The following TNFRSF8 variants were observed in gnomAD, a reference collection of about 807,000 sequenced individuals.
TNFRSF8 encodes TNF receptor superfamily member 8, also known as tumor necrosis factor receptor superfamily member 8.
TNFRSF8 carries 26 observed loss-of-function variants against 70.8 expected under a neutral mutation model. That is an observed-to-expected ratio of 0.37 (90% confidence interval 0.27 to 0.51). The LOEUF is 0.51. Among genes scored for constraint, TNFRSF8 ranks in the 20% least tolerant of loss-of-function variants. The probability of loss-of-function intolerance (pLI) is 0.94; values close to 1 mark genes in which losing one functional copy is unlikely to be tolerated. For synonymous variants in TNFRSF8, 356 were observed against 339.2 expected, an observed-to-expected ratio of 1.05 and a Z score of -0.54; for missense variants, 720 against 807.9, an observed-to-expected ratio of 0.89 and a Z score of 1.32.
At chr1:12,071,297 G>A (rs1406076320) in intron 1 of TNFRSF8, among the ~76,000 whole-genome samples, 3 of 152,090 alleles carry the variant, frequency 2.0e-5, no homozygotes, top group Admixed American at 6.6e-5. Context: ...AAATTAGCCA[G>A]GTGTGGCGGT....
intron 12 of TNFRSF8, among the ~76,000 whole-genome samples, chr1:12,130,449 C>T (rs1642027013): frequency 6.6e-6 from 1 of 152,140 alleles, no homozygotes; most frequent in African/African-American, 2.4e-5. Context: ...GTGCTCCTGC[C>T]CCGGCCCTGG....
chr1:12,085,934 G>A (rs142931527), intron 2 of TNFRSF8, among the ~76,000 whole-genome samples: 2 of 152,366 alleles, frequency 1.3e-5, no homozygotes, highest in Non-Finnish European at 2.9e-5. Flanking sequence ...GGGGACATCA[G>A]CCTTTAGCTG....
At chr1:12,120,467 A>G (rs1641809688) in intron 8 of TNFRSF8, among the ~76,000 whole-genome samples, 1 of 152,234 alleles carries the variant, frequency 6.6e-6, no homozygotes, top group African/African-American at 2.4e-5. Context: ...AAGGCAATTG[A>G]AAACTCCCGG....
At chr1:12,070,589 G>T (rs1640825317) in intron 1 of TNFRSF8, among the ~76,000 whole-genome samples, 1 of 152,080 alleles carries the variant, frequency 6.6e-6, no homozygotes, top group South Asian at 2.1e-4. Flanking sequence ...GCCTCCTATT[G>T]CTGGGATTAC....
In TNFRSF8 at chr1:12,116,539, G is replaced by A. The variant is rs143469740; in HGVS notation, c.946+810G>A. ...GGAATGGCCAGGCGTGGTGGCTCAC[G>A]CCTGTGATCCCAGCACTTTGGGAGG... On this transcript the variant is annotated intron_variant, in intron 8 of 14. Transcript: ENST00000263932. Among the ~76,000 whole-genome samples, 446 of 152,140 alleles carry A rather than the reference G, an allele frequency of 2.9e-3. 2 individuals carry two copies. The highest frequency in any genetic ancestry group is 0.01 in the African/African-American group (418 of 41,536).
At chr1:12,120,461 C>G (rs1641809524) in intron 8 of TNFRSF8, among the ~76,000 whole-genome samples, 1 of 152,064 alleles carries the variant, frequency 6.6e-6, no homozygotes, top group Admixed American at 6.6e-5. Context: ...AAAAGAAAGG[C>G]AATTGAAAAC....
chr1:12,134,595 G>C lies in TNFRSF8; in HGVS notation c.1310-993G>C, dbSNP rs377656674. On this transcript the variant is annotated intron_variant, in intron 12 of 14. Coordinates refer to ENST00000263932, the MANE Select transcript of TNFRSF8 (RefSeq NM_001243.5). ...ATCAGCACCTCCTGAGCCTACAAAAGGATGGGATTGAAGGAAATGAGATGG... is the reference window on the plus strand; with the variant it reads ...ATCAGCACCTCCTGAGCCTACAAAACGATGGGATTGAAGGAAATGAGATGG... Among the ~76,000 whole-genome samples, 15 of 152,340 alleles carry C rather than the reference G, an allele frequency of 9.8e-5. 2 individuals are homozygous for C. Among genetic ancestry groups the C allele is most frequent in the South Asian group, 8.3e-4 (4 of 4,832 alleles).
chr1:12,111,696 T>C (rs1285633994), intron 6 of TNFRSF8, among the ~76,000 whole-genome samples: 1 of 151,982 alleles, frequency 6.6e-6, no homozygotes, highest in Non-Finnish European at 1.5e-5. Context: ...TGGGGGGCAA[T>C]GAGTACCCTC....
chr1:12,121,931 A>G (rs1641835651), intron 8 of TNFRSF8, among the ~76,000 whole-genome samples: 1 of 152,198 alleles, frequency 6.6e-6, no homozygotes, highest in Non-Finnish European at 1.5e-5. Context: ...TATCAAAAAC[A>G]TTATGCAGAG....
In TNFRSF8 at chr1:12,138,635, A is replaced by G. The variant is rs1642197929; in HGVS notation, c.1543+199A>G. Among the ~76,000 whole-genome samples the G allele has an allele frequency of 6.6e-6, 1 of 152,150 alleles. No individual in the cohort carries two copies. Among genetic ancestry groups the G allele is most frequent in the South Asian group, 2.1e-4 (1 of 4,824 alleles). ...ACTTACCTCGTAGGCCATTGTGCGG[A>G]TTCATGAGCCAGTGTGCATGAGATG... On this transcript the variant is annotated intron_variant, in intron 14 of 14. Coordinates refer to ENST00000263932, the MANE Select transcript of TNFRSF8 (RefSeq NM_001243.5). This position sits in a 1 kb window ranked among gnomAD's most constrained non-coding sequence, Gnocchi z 5.7.
chr1:12,124,086 C>G (rs1641885324), intron 10 of TNFRSF8, among the ~76,000 whole-genome samples: 7 of 152,160 alleles, frequency 4.6e-5, no homozygotes, highest in Admixed American at 4.6e-4. Context: ...CTCACTGCAA[C>G]CTCCACCTCC....
chr1:12,133,042 C>T (rs562487303), intron 12 of TNFRSF8, among the ~76,000 whole-genome samples: 22 of 152,182 alleles, frequency 1.4e-4, no homozygotes, highest in African/African-American at 2.2e-4. Context: ...GGTGGCTAAG[C>T]GGCCTCATTG....
rs183217082 is a variant in TNFRSF8 at position 12,101,866 on chromosome 1, G to A, written c.269-2513G>A. ...TTTGTATTTTTTTTAGGAGAGGCGG[G>A]ATTTCACCATGTTGGCCAGGCTGGT... On this transcript the variant is annotated intron_variant, in intron 3 of 14. Transcript: ENST00000263932. 2.8e-3 allele frequency among the ~76,000 whole-genome samples: 429 copies of A among 152,104 alleles called. 2 individuals carry two copies. The highest frequency in any genetic ancestry group is 4.0e-3 in the Non-Finnish European group (272 of 67,972).
intron 12 of TNFRSF8, 49 bp downstream of exon 12, chr1:12,126,285 G>A (rs373757179): frequency 4.4e-6 from 7 of 1,608,940 alleles, no homozygotes; most frequent in Non-Finnish European, 5.1e-6. Flanking sequence ...AGGAACACAG[G>A]GCAGCTCTGG....
rs1428967672 is a variant in TNFRSF8 at position 12,125,944 on chromosome 1, G to T, written c.1154-7G>T. ...GGCAAAGAGTGTGGGGCGTCTCTGT[G>T]TTCCAGGGCCAGTGCTCTTCTGGGT... On this transcript the variant is annotated splice_region_variant and splice_polypyrimidine_tract_variant and intron_variant, in intron 10 of 14. Coordinates refer to ENST00000263932, the MANE Select transcript of TNFRSF8 (RefSeq NM_001243.5). The T allele has an allele frequency of 6.2e-7, 1 of 1,613,470 alleles. No individual in the cohort carries two copies. The highest frequency in any genetic ancestry group is 8.5e-7 in the Non-Finnish European group (1 of 1,179,504).
intron 1 of TNFRSF8, chr1:12,078,126 G>A (rs1640998674): frequency 6.6e-6 from 1 of 152,406 alleles, no homozygotes; most frequent in African/African-American, 2.4e-5. Context: ...TGGGGTAGAC[G>A]AGAGGAGACC....
intron 1 of TNFRSF8, among the ~76,000 whole-genome samples, chr1:12,077,198 A>G (rs968890482): frequency 2.0e-5 from 3 of 152,196 alleles, no homozygotes; most frequent in African/African-American, 4.8e-5. Context: ...AGCTGGGATT[A>G]TAAGTGCGAG....
chr1:12,076,897 G>A (rs1640976066), intron 1 of TNFRSF8, among the ~76,000 whole-genome samples: 1 of 152,138 alleles, frequency 6.6e-6, no homozygotes, highest in Non-Finnish European at 1.5e-5. Flanking sequence ...TTGCTTAGGA[G>A]CGAGGGTGTG....
Position 12,088,913 on chromosome 1 carries a change from C to T in TNFRSF8, c.151+4362C>T, listed in dbSNP as rs1051873570. On this transcript the variant is annotated intron_variant, in intron 2 of 14. Coordinates refer to ENST00000263932, the MANE Select transcript of TNFRSF8 (RefSeq NM_001243.5). The surrounding 1 kb of genome is among the most constrained non-coding windows in gnomAD (Gnocchi z 4.0). ...CCGCCCAGTCCCTCTTCATCCTGGGCTTCAGCTGAGTGTGCTGGGCTCCCC... is the reference window on the plus strand; with the variant it reads ...CCGCCCAGTCCCTCTTCATCCTGGGTTTCAGCTGAGTGTGCTGGGCTCCCC... Among the ~76,000 whole-genome samples, 1 of 151,908 alleles carries T rather than the reference C, an allele frequency of 6.6e-6. No homozygotes were observed. The highest frequency in any genetic ancestry group is 2.4e-5 in the African/African-American group (1 of 41,368).
Sources: allele counts gnomAD v4.1 joint callset (sites outside exome capture counted in the v4.1 genomes callset), GRCh38; gene constraint gnomAD v4.1.1; non-coding constraint Gnocchi (gnomAD v3.1); transcripts MANE v1.5; gene names NCBI Gene and HGNC (gene_info 2026-07-23, HGNC 2026-07-21).